The following C4orf36 variants were observed in gnomAD, a reference collection of about 807,000 sequenced individuals.
C4orf36 encodes uncharacterized protein C4orf36.
A neutral mutation model predicts 12.2 loss-of-function variants in C4orf36; 11 were observed. That is an observed-to-expected ratio of 0.90 (90% CI 0.57 to 1.49). The LOEUF (loss-of-function observed/expected upper bound fraction) is 1.49. Among genes scored for constraint, C4orf36 ranks in the 40% most tolerant of loss-of-function variants. The pLI is 0.00. For missense variants in C4orf36, 137 were observed against 133.9 expected (o/e 1.02, Z -0.11); for synonymous variants, 54 against 51.3 (o/e 1.05, Z -0.22).
chr4:86,883,322 C>T (rs915433296), intron 4 of C4orf36, among the ~76,000 whole-genome samples: 13 of 152,124 alleles, frequency 8.5e-5, no homozygotes, highest in African/African-American at 2.9e-4. Context: ...GCCATATTTT[C>T]AACTAAAAAT....
the C4orf36 span, chr4:86,914,229 G>A: frequency 6.3e-7 from 1 of 1,598,234 alleles, no homozygotes; most frequent in South Asian, 1.1e-5. Flanking sequence ...CACCAGGGTT[G>A]GCTTACAGAC....
the C4orf36 span, among the ~76,000 whole-genome samples, chr4:86,921,485 T>C: frequency 6.6e-6 from 1 of 152,220 alleles, no homozygotes; most frequent in Non-Finnish European, 1.5e-5. Context: ...GTAATATGTA[T>C]GTTTATTTTT....
At chr4:86,890,480 AAATAATAATAATAATAAT>A (rs56235500) in intron 2 of C4orf36, among the ~76,000 whole-genome samples, 31 of 147,338 alleles carry the variant, frequency 2.1e-4, no homozygotes, top group Admixed American at 4.1e-4. Context: ...AATGCAAATA[AAATAATAATAATAATAAT>A]AATAATAATA....
chr4:86,934,775 C>G, the C4orf36 span: 1 of 152,280 alleles, frequency 6.6e-6, no homozygotes, highest in Admixed American at 6.5e-5. Context: ...GGCAGGGTCA[C>G]CCTCGCGACC....
At chr4:86,881,866 C>T (rs142169366) in intron 4 of C4orf36, among the ~76,000 whole-genome samples, 2,740 of 152,042 alleles carry the variant, frequency 0.018, 83 homozygotes, top group African/African-American at 0.061. Context: ...TTAGTAGAGA[C>T]GGGGTTTCAC....
chr4:86,890,891 A>T (rs568294843), intron 2 of C4orf36, among the ~76,000 whole-genome samples: 1 of 152,332 alleles, frequency 6.6e-6, no homozygotes, highest in Admixed American at 6.5e-5. Context: ...AGATGCAGAG[A>T]TCAAGGTACG....
the C4orf36 span, chr4:86,914,280 C>T: frequency 6.2e-7 from 1 of 1,602,068 alleles, no homozygotes; most frequent in South Asian, 1.1e-5. Context: ...GTGGTCTGCC[C>T]CACAAGTGAC....
rs534512663 is a variant in C4orf36 at position 86,884,794 on chromosome 4, G to A, written c.*2+2964C>T. ...CCTTGCCCATGCCTATGTCCTGAATGGTGTTGCCTAGGTTTTCTTCTAGGG... is the reference window on the plus strand; with the variant it reads ...CCTTGCCCATGCCTATGTCCTGAATAGTGTTGCCTAGGTTTTCTTCTAGGG... On this transcript the variant is annotated intron_variant, in intron 4 of 4. Transcript: ENST00000295898. 6.0e-4 allele frequency among the ~76,000 whole-genome samples: 91 copies of A among 152,244 alleles called. 1 individual carries two copies. The highest frequency in any genetic ancestry group is 2.0e-3 in the African/African-American group (81 of 41,538).
chr4:86,930,540 C>G, the C4orf36 span, among the ~76,000 whole-genome samples: 1 of 152,214 alleles, frequency 6.6e-6, no homozygotes, highest in Non-Finnish European at 1.5e-5. Context: ...TGTACAATGT[C>G]TGGGAAATTG....
At chr4:86,892,591 G>A (rs1012830970), upstream of C4orf36, among the ~76,000 whole-genome samples, 1 of 152,256 alleles carries the variant, frequency 6.6e-6, no homozygotes, top group East Asian at 1.9e-4. Flanking sequence ...GCCAGAGAGG[G>A]CTGTAAGCCA....
chr4:86,893,862 ATTTTTATT>A (rs1361691994), upstream of C4orf36, among the ~76,000 whole-genome samples: 68 of 138,572 alleles, frequency 4.9e-4, no homozygotes, highest in African/African-American at 1.4e-3. Context: ...TTTGGCCTGA[ATTTTTATT>A]TATTTATTTA....
At chr4:86,915,029 T>C in the C4orf36 span, among the ~76,000 whole-genome samples, 24 of 152,290 alleles carry the variant, frequency 1.6e-4, no homozygotes, top group African/African-American at 5.3e-4. Flanking sequence ...CCTGAATATA[T>C]TAATCTTCCT....
chr4:86,881,554 G>A (rs1041813819), intron 4 of C4orf36, among the ~76,000 whole-genome samples: 5 of 151,648 alleles, frequency 3.3e-5, no homozygotes, highest in Admixed American at 6.6e-5. Context: ...ATGCTACTAC[G>A]CCCCAGCCTG....
chr4:86,917,312 AAG>A, the C4orf36 span, among the ~76,000 whole-genome samples: 2 of 130,594 alleles, frequency 1.5e-5, no homozygotes, highest in African/African-American at 2.7e-5. Flanking sequence ...TAAAGAAAGG[AAG>A]AGAGAGAGAG....
At chr4:86,930,742 A>G in the C4orf36 span, among the ~76,000 whole-genome samples, 1 of 152,246 alleles carries the variant, frequency 6.6e-6, no homozygotes. Flanking sequence ...AGTGTGTAGC[A>G]ATGAGGAAAA....
At chr4:86,883,937 G>A (rs960136972) in intron 4 of C4orf36, among the ~76,000 whole-genome samples, 3 of 151,974 alleles carry the variant, frequency 2.0e-5, no homozygotes, top group Non-Finnish European at 4.4e-5. Flanking sequence ...ACTGAAGCAT[G>A]AGAATTGCTT....
chr4:86,915,135 T>C, the C4orf36 span, among the ~76,000 whole-genome samples: 5 of 152,142 alleles, frequency 3.3e-5, no homozygotes, highest in African/African-American at 1.2e-4. Flanking sequence ...TAGGCCACCG[T>C]AGGCTCGTGG....
chr4:86,884,776 C>T (rs1262585598), intron 4 of C4orf36, among the ~76,000 whole-genome samples: 1 of 152,176 alleles, frequency 6.6e-6, no homozygotes, highest in Non-Finnish European at 1.5e-5. Flanking sequence ...AGTCCTTGCC[C>T]ATGCCTATGT....
At chr4:86,908,168 T>A in the C4orf36 span, among the ~76,000 whole-genome samples, 1 of 140,882 alleles carries the variant, frequency 7.1e-6, no homozygotes, top group Non-Finnish European at 1.5e-5. Context: ...ACTTTCAACA[T>A]ACACACACAC....
Sources: gnomAD v4.1 joint callset for allele counts (sites outside exome capture counted in the v4.1 genomes callset) on GRCh38, gnomAD v4.1.1 for gene constraint, MANE v1.5 for transcripts, NCBI Gene and HGNC (gene_info 2026-07-23, HGNC 2026-07-21) for gene names.